FAM110B: variants seen among roughly 807,000 people sequenced by gnomAD.
FAM110B encodes protein FAM110B.
In FAM110B, 6 loss-of-function variants were observed where a neutral mutation model predicts 20.4. That is an observed-to-expected ratio of 0.29 (90% CI 0.16 to 0.58). FAM110B has a LOEUF of 0.58. Among genes scored for constraint, FAM110B ranks in the 20% least tolerant of loss-of-function variants. FAM110B has a pLI of 0.90. For synonymous variants in FAM110B, 226 were observed against 214.1 expected, an observed-to-expected ratio of 1.06 and a Z score of -0.49; for missense variants, 434 against 498.2, an observed-to-expected ratio of 0.87 and a Z score of 1.23.
Position 58,080,005 on chromosome 8 carries a change from G to A in FAM110B, c.-325+4382G>A, listed in dbSNP as rs185694202. On this transcript the variant is annotated intron_variant, in intron 3 of 3. Transcript: ENST00000519262. ...TGCCCTGTGGCCCTGTGCTGGAGAC[G>A]TTATGTGCAGTTTTCACTTGCCCTT... 4.0e-3 allele frequency among the ~76,000 whole-genome samples: 611 copies of A among 152,272 alleles called. 3 individuals are homozygous for A. Among genetic ancestry groups the A allele is most frequent in the South Asian group, 6.8e-3 (33 of 4,820 alleles).
At chr8:58,111,805 C>T (rs753462993) in intron 3 of FAM110B, among the ~76,000 whole-genome samples, 26 of 152,178 alleles carry the variant, frequency 1.7e-4, no homozygotes, top group Non-Finnish European at 3.2e-4. Context: ...AGAATTAATG[C>T]TGTATTCTCT....
intron 2 of FAM110B, among the ~76,000 whole-genome samples, chr8:58,057,464 A>T (rs549652111): frequency 6.6e-6 from 1 of 152,324 alleles, no homozygotes; most frequent in Admixed American, 6.5e-5. Flanking sequence ...TTTCCTAAAG[A>T]ATATGGCTTT....
intron 1 of FAM110B, among the ~76,000 whole-genome samples, chr8:58,005,543 A>C (rs1804386110): frequency 1.3e-5 from 2 of 152,230 alleles, no homozygotes. Flanking sequence ...TCTTTGGAGC[A>C]TGTTAAAGTG....
chr8:58,135,807 A>T (rs1357048615), intron 3 of FAM110B, among the ~76,000 whole-genome samples: 1 of 152,070 alleles, frequency 6.6e-6, no homozygotes, highest in Non-Finnish European at 1.5e-5. Flanking sequence ...ATACAAGGGG[A>T]TCAGACCGCC....
At chr8:58,085,509 T>C (rs1806309137) in intron 3 of FAM110B, among the ~76,000 whole-genome samples, 1 of 152,208 alleles carries the variant, frequency 6.6e-6, no homozygotes, top group Admixed American at 6.5e-5. Flanking sequence ...CGAGACTCTG[T>C]CTCAAGAAAA....
Position 58,147,224 on chromosome 8 carries a change from G to A in FAM110B, c.994G>A (p.Asp332Asn), listed in dbSNP as rs753044247. 9 of 1,614,066 alleles carry A rather than the reference G, an allele frequency of 5.6e-6. No homozygotes were observed. The highest frequency in any genetic ancestry group is 1.7e-5 in the Admixed American group (1 of 60,014). The change falls in exon 4 of 4, where the codon GAC (aspartate) becomes AAC (asparagine). Residue 332 changes from aspartate to asparagine, a missense_variant. Physicochemically the swap from Asp to Asn is conservative, Grantham distance 23. Around this residue, in one of 3 missense-constraint regions of FAM110B, gnomAD observed 94 missense variants for 137.8 expected, o/e 0.68. Coordinates refer to ENST00000519262, the MANE Select transcript of FAM110B (RefSeq NM_001377989.1). ...QDSNSDLRNDDSANDRVPYGI... is the reference protein window; with the variant it reads ...QDSNSDLRNDNSANDRVPYGI... ...CAGTAACAGTGACCTTAGAAATGAT[G>A]ACAGTGCCAATGACCGCGTGCCGTA... is the stretch of plus-strand genomic sequence containing the variant.
At chr8:58,030,444 G>A (rs917512125) in intron 1 of FAM110B, among the ~76,000 whole-genome samples, 1 of 152,112 alleles carries the variant, frequency 6.6e-6, no homozygotes, top group Admixed American at 6.6e-5. Flanking sequence ...GTTTTGAAGC[G>A]ATAGAAAATC....
At chr8:57,998,213 G>T (rs1804223244) in intron 1 of FAM110B, among the ~76,000 whole-genome samples, 2 of 152,188 alleles carry the variant, frequency 1.3e-5, no homozygotes, top group African/African-American at 4.8e-5. Context: ...CCTTGTTAAA[G>T]ATCACTTGTT....
chr8:58,119,369 C>T (rs1326408282), intron 3 of FAM110B, among the ~76,000 whole-genome samples: 3 of 152,180 alleles, frequency 2.0e-5, no homozygotes, highest in African/African-American at 7.2e-5. Context: ...GCTATGTCCT[C>T]GCATGGGGGA....
chr8:58,032,330 G>A (rs1219728425), intron 2 of FAM110B: 2 of 152,160 alleles, frequency 1.3e-5, no homozygotes, highest in African/African-American at 4.8e-5. Context: ...CTGGACATGG[G>A]ACCTAGTATA....
intron 3 of FAM110B, among the ~76,000 whole-genome samples, chr8:58,083,312 T>C (rs1188621617): frequency 6.6e-6 from 1 of 152,166 alleles, no homozygotes; most frequent in Non-Finnish European, 1.5e-5. Context: ...TATGTTTAGT[T>C]GTAGTTGAAC....
At chr8:58,021,666 C>G (rs1804757372) in intron 1 of FAM110B, among the ~76,000 whole-genome samples, 1 of 152,084 alleles carries the variant, frequency 6.6e-6, no homozygotes. Context: ...TAAATGCTAC[C>G]TTCTTCAACC....
chr8:58,067,847 C>T (rs566596342), intron 2 of FAM110B, among the ~76,000 whole-genome samples: 4 of 152,142 alleles, frequency 2.6e-5, no homozygotes, highest in East Asian at 3.9e-4. Context: ...AGGACTCATT[C>T]CAGAGGTTGT....
intron 2 of FAM110B, among the ~76,000 whole-genome samples, chr8:58,053,682 C>A (rs1337809780): frequency 5.9e-5 from 9 of 152,110 alleles, no homozygotes; most frequent in Non-Finnish European, 1.2e-4. Flanking sequence ...TTTGGTGCTC[C>A]AGTAAAATAT....
intron 2 of FAM110B, among the ~76,000 whole-genome samples, chr8:58,052,391 G>A (rs1805465539): frequency 6.6e-6 from 1 of 152,072 alleles, no homozygotes. Flanking sequence ...TGTTTTAAAA[G>A]TAAACCTACA....
At chr8:58,096,080 TC>T (rs1211932378) in intron 3 of FAM110B, among the ~76,000 whole-genome samples, 1 of 152,228 alleles carries the variant, frequency 6.6e-6, no homozygotes, top group Non-Finnish European at 1.5e-5. Context: ...TTATTTGCTT[TC>T]CATTTGCTTG....
intron 1 of FAM110B, among the ~76,000 whole-genome samples, chr8:58,002,484 T>C (rs957805546): frequency 3.3e-5 from 5 of 152,204 alleles, no homozygotes; most frequent in African/African-American, 1.2e-4. Flanking sequence ...ATTGAACCAA[T>C]TGATGGCAGC....
intron 3 of FAM110B, among the ~76,000 whole-genome samples, chr8:58,096,045 G>A (rs1417376182): frequency 2.0e-5 from 3 of 152,106 alleles, no homozygotes; most frequent in Non-Finnish European, 4.4e-5. Context: ...TGTTTTATCA[G>A]AGACTAGGAT....
At chr8:58,038,602 G>A (rs534796618) in intron 2 of FAM110B, among the ~76,000 whole-genome samples, 1 of 152,068 alleles carries the variant, frequency 6.6e-6, no homozygotes, top group Non-Finnish European at 1.5e-5. Flanking sequence ...AAACGCAAAA[G>A]TTAGCCAGGT....
Sources: allele counts gnomAD v4.1 joint callset (sites outside exome capture counted in the v4.1 genomes callset), GRCh38; gene constraint gnomAD v4.1.1; regional missense constraint gnomAD v4.1.1; transcripts MANE v1.5; gene names NCBI Gene and HGNC (gene_info 2026-07-23, HGNC 2026-07-21).